The following MPPE1 variants were observed in gnomAD, a reference collection of about 807,000 sequenced individuals.
MPPE1 encodes metallophosphoesterase 1.
Under a neutral mutation model 43.8 loss-of-function variants are expected in MPPE1, and 28 were observed. The ratio of observed to expected loss-of-function variants is 0.64; its 90% confidence interval spans 0.47 to 0.88. The LOEUF is 0.88. MPPE1 is among the 40% of genes least tolerant of loss of function. MPPE1 has a pLI of 0.00. For synonymous variants in MPPE1, 159 were observed against 188.5 expected (o/e 0.84, Z 1.28); for missense variants, 428 against 492.2 (o/e 0.87, Z 1.23).
chr18:11,884,558 T>C lies in MPPE1; in HGVS notation c.1078A>G (p.Ile360Val). 3 of 1,614,038 alleles carry C rather than the reference T, an allele frequency of 1.9e-6. No homozygotes were observed. Among genetic ancestry groups the C allele is most frequent in the Non-Finnish European group, 2.5e-6 (3 of 1,180,030 alleles). ...YLPREDVVLI[I>V]YCGVVGFLVV... The stretch of plus-strand genomic sequence containing the variant: ...AGGAAGCCCACCACTCCACAGTAGA[T>C]GATCAAAACCACATCCTCACGTGGG... Residue 360 changes from isoleucine (I) to valine (V), a missense_variant, in exon 11 of 11, where the codon ATC (isoleucine) becomes GTC (valine). Physicochemically the swap from Ile to Val is conservative, Grantham distance 29. Around this residue, in one of 3 missense-constraint regions of MPPE1, gnomAD observed 379 missense variants for 402.5 expected, o/e 0.94. Transcript: ENST00000588072.
At chr18:11,904,750 A>G (rs1307930978) in intron 2 of MPPE1, among the ~76,000 whole-genome samples, 1 of 152,114 alleles carries the variant, frequency 6.6e-6, no homozygotes, top group Non-Finnish European at 1.5e-5. Flanking sequence ...AGCCTAGCCA[A>G]CATGGTGAAA....
intron 2 of MPPE1, among the ~76,000 whole-genome samples, chr18:11,901,603 G>C (rs541777178): frequency 4.6e-5 from 7 of 151,906 alleles, no homozygotes; most frequent in Non-Finnish European, 1.0e-4. Context: ...CACTTTGGGA[G>C]GCCAAGGCAG....
In MPPE1 at chr18:11,885,852, T is replaced by A. The variant is rs1234683267; in HGVS notation, c.868-36A>T. The A allele has an allele frequency of 6.4e-6, 10 of 1,571,132 alleles. No homozygotes were observed. In the South Asian group the frequency reaches 9.1e-5, roughly 14 times the overall value. ...CCGAGAAGACAGCAAAGCAGGCTGT[T>A]AGCTCATCCTCAACCAGGCTCTCAC... On this transcript the variant is annotated intron_variant, in intron 9 of 10. Coordinates refer to ENST00000588072, the MANE Select transcript of MPPE1 (RefSeq NM_023075.6).
At chr18:11,906,022 C>A (rs549368703) in intron 2 of MPPE1, 181 bp downstream of exon 2, 2 of 152,276 alleles carry the variant, frequency 1.3e-5, no homozygotes, top group South Asian at 4.2e-4. Flanking sequence ...TAAAGTGTTA[C>A]TGTTTTCACT....
intron 2 of MPPE1, among the ~76,000 whole-genome samples, chr18:11,900,884 G>A (rs952220499): frequency 1.4e-5 from 2 of 147,258 alleles, no homozygotes; most frequent in African/African-American, 2.7e-5. Flanking sequence ...TCCAGCCTGG[G>A]CGACAGAGCA....
At position 11,899,305 on chromosome 18, in the gene MPPE1, A is replaced by G. The variant is rs556833906; in HGVS notation, c.-92-1949T>C. Among the ~76,000 whole-genome samples, 30 of 152,342 alleles carry G rather than the reference A, an allele frequency of 2.0e-4. No homozygotes were observed. The South Asian group carries it at 5.4e-3, about 27-fold the overall frequency. On this transcript the variant is annotated intron_variant, in intron 2 of 10. Coordinates refer to ENST00000588072, the MANE Select transcript of MPPE1 (RefSeq NM_023075.6). ...CAGGAAGAACCTGTGGGTGATTGCA[A>G]CAGAGCCACCATCTGTGAATATGAA...
At chr18:11,889,640 G>T in intron 4 of MPPE1, 150 bp from the exon 5 acceptor site, 1 of 519,466 alleles carries the variant, frequency 1.9e-6, no homozygotes, top group Non-Finnish European at 3.4e-6. Context: ...TCTGCTCACT[G>T]CAACCTCCAT....
rs2036765890 is a variant in MPPE1, at chr18:11,883,368, G to T, written c.*1077C>A. 1 of 153,162 alleles carries T rather than the reference G, an allele frequency of 6.5e-6. No homozygotes were observed. Among genetic ancestry groups the T allele is most frequent in the South Asian group, 2.1e-4 (1 of 4,826 alleles). The allele number at this position is 153,162 out of a possible 1,614,324, so 9.5% of individuals were successfully genotyped here. On this transcript the variant is annotated 3_prime_UTR_variant, in exon 11 of 11. Transcript: ENST00000588072. ...CAGCAAGAAAGGGAAGTATGCTGTT[G>T]TATGCATCATTACTCAACAATTACC...
chr18:11,887,202 T>G (rs1391619284), intron 6 of MPPE1, among the ~76,000 whole-genome samples, 177 bp from the exon 7 acceptor site: 1 of 152,182 alleles, frequency 6.6e-6, no homozygotes, highest in Admixed American at 6.6e-5. Context: ...TTAACAAAAA[T>G]AGCATTACTG....
chr18:11,883,091 A>C lies in MPPE1; in HGVS notation c.*1354T>G, dbSNP rs2036752519. ...TTTAGTCTTTAATATTTTAAAGTTT[A>C]CTCTATAAATCAGCATTTTGTAATC... On this transcript the variant is annotated 3_prime_UTR_variant, in exon 11 of 11. Transcript: ENST00000588072. 6.6e-6 allele frequency: 1 copy of C among 152,188 alleles called. No homozygotes were observed. The allele number at this position is 152,188 out of a possible 1,614,324, so 9.4% of individuals were successfully genotyped here.
chr18:11,904,316 T>A (rs868516417), intron 2 of MPPE1, among the ~76,000 whole-genome samples: 10 of 71,628 alleles, frequency 1.4e-4, no homozygotes, highest in African/African-American at 1.0e-3. Context: ...TTTTTATTTA[T>A]TTATTTATTT....
At chr18:11,897,470 G>A (rs573595667) in intron 2 of MPPE1, 114 bp from the exon 3 acceptor site, 125 of 546,410 alleles carry the variant, frequency 2.3e-4, no homozygotes, top group Non-Finnish European at 3.2e-4. Context: ...CAAATTAATC[G>A]TCTTATACTT....
intron 4 of MPPE1, among the ~76,000 whole-genome samples, chr18:11,890,080 C>G (rs1042322986): frequency 3.3e-5 from 5 of 150,776 alleles, no homozygotes; most frequent in African/African-American, 1.2e-4. Context: ...GTAGCTGGAA[C>G]TACAGGCGCC....
chr18:11,884,620 AT>A lies in MPPE1; in HGVS notation c.1015del (p.Ile339SerfsTer20), dbSNP rs1304042011. ...RNNPSFIMGS[I>X]TPTDYTLSKC... The stretch of plus-strand genomic sequence containing the variant: ...GGAGAGGGTGTAGTCTGTGGGCGTG[AT>A]GCTACCCTGGAAAGGAGAAGGGAAA... On this transcript the variant is annotated frameshift_variant, in exon 11 of 11. Coordinates refer to ENST00000588072, the MANE Select transcript of MPPE1 (RefSeq NM_023075.6). LOFTEE classifies it low-confidence loss of function (END_TRUNC). 1 of 1,613,286 alleles carries A rather than the reference AT, an allele frequency of 6.2e-7. No homozygotes were observed. Among genetic ancestry groups the A allele is most frequent in the African/African-American group, 1.3e-5 (1 of 74,970 alleles).
chr18:11,894,431 C>CAAA (rs66687820), intron 3 of MPPE1, among the ~76,000 whole-genome samples: 201 of 64,868 alleles, frequency 3.1e-3, no homozygotes, highest in East Asian at 4.8e-3. Flanking sequence ...GACTCCATCT[C>CAAA]AAAAAAAAAA....
Position 11,884,557 on chromosome 18 carries a change from A to G in MPPE1, c.1079T>C (p.Ile360Thr), listed in dbSNP as rs1262775356. The stretch of plus-strand genomic sequence containing the variant: ...AAGGAAGCCCACCACTCCACAGTAG[A>G]TGATCAAAACCACATCCTCACGTGG... ...YLPREDVVLI[I>T]YCGVVGFLVV... Residue 360 changes from isoleucine to threonine, a missense_variant, in exon 11 of 11, where the codon ATC (isoleucine) becomes ACC (threonine). Physicochemically the swap from Ile to Thr is moderately conservative, Grantham distance 89. Coordinates refer to ENST00000588072, the MANE Select transcript of MPPE1 (RefSeq NM_023075.6). The G allele has an allele frequency of 6.2e-7, 1 of 1,613,956 alleles. No homozygotes were observed. The highest frequency in any genetic ancestry group is 1.3e-5 in the African/African-American group (1 of 74,946).
intron 2 of MPPE1, among the ~76,000 whole-genome samples, chr18:11,899,531 A>G (rs1180758080): frequency 6.6e-6 from 1 of 152,136 alleles, no homozygotes; most frequent in Non-Finnish European, 1.5e-5. Context: ...TATTTTGGAG[A>G]CCTCTGAAGA....
intron 2 of MPPE1, among the ~76,000 whole-genome samples, chr18:11,900,470 C>T (rs905369507): frequency 6.6e-6 from 1 of 152,078 alleles, no homozygotes; most frequent in Admixed American, 6.6e-5. Flanking sequence ...CATGCCATTG[C>T]ACTCCAGACT....
intron 4 of MPPE1, among the ~76,000 whole-genome samples, chr18:11,890,011 C>T (rs192523627): frequency 2.6e-5 from 4 of 150,964 alleles, no homozygotes; most frequent in East Asian, 2.0e-4. Context: ...GGCACGATCT[C>T]GGCTCACTGC....
Sources: allele counts gnomAD v4.1 joint callset (sites outside exome capture counted in the v4.1 genomes callset), GRCh38; gene constraint gnomAD v4.1.1; regional missense constraint gnomAD v4.1.1; transcripts MANE v1.5; gene names NCBI Gene and HGNC (gene_info 2026-07-23, HGNC 2026-07-21).